TEX35: variants seen among roughly 807,000 people sequenced by gnomAD.
TEX35 encodes testis-expressed protein 35.
TEX35 carries 26 observed loss-of-function variants against 31.9 expected under a neutral mutation model. That is an observed-to-expected ratio of 0.81 (90% CI 0.60 to 1.13). TEX35 has a LOEUF of 1.13. Among genes scored for constraint, TEX35 ranks in the 50% most tolerant of loss-of-function variants. The pLI, the probability that TEX35 is intolerant of heterozygous loss-of-function variation, is 0.00. For synonymous variants in TEX35, 87 were observed against 90.7 expected (o/e 0.96, Z 0.23); for missense variants, 278 against 273.5 (o/e 1.02, Z -0.12).
chr1:178,516,430 T>G (rs545661996), intron 4 of TEX35, among the ~76,000 whole-genome samples, 185 bp from the exon 5 acceptor site: 10 of 152,360 alleles, frequency 6.6e-5, no homozygotes. Flanking sequence ...TGGTGGTGAC[T>G]TGATGGTGCT....
Position 178,520,445 on chromosome 1 carries a change from A to C in TEX35, c.341+9A>C. 6.2e-7 allele frequency: 1 copy of C among 1,614,180 alleles called. No individual in the cohort carries two copies. The highest frequency in any genetic ancestry group is 8.5e-7 in the Non-Finnish European group (1 of 1,180,030). On this transcript the variant is annotated intron_variant, in intron 6 of 8. Coordinates refer to ENST00000319416, the MANE Select transcript of TEX35 (RefSeq NM_032126.5). ...CAGAAGAACTATAAGCTGTAAGTGT[A>C]ACCTGCACTCGTCTCTCCTCATCCC... is the stretch of plus-strand genomic sequence containing the variant.
In TEX35 at chr1:178,514,726, A is replaced by C; in HGVS notation, c.117A>C (p.Gln39His). Residue 39 changes from glutamine to histidine, a missense_variant, in exon 3 of 9, where the codon CAA becomes CAC. Gln to His is a conservative substitution (Grantham distance 24). Coordinates refer to ENST00000319416, the MANE Select transcript of TEX35 (RefSeq NM_032126.5). ...CATTTGATTACAAAGCAGTTAAACA[A>C]GAAGGGCGGTTTACCAAAGCAGGAG... is the stretch of plus-strand genomic sequence containing the variant. ...TKTFDYKAVKQEGRFTKAGVT... is the reference protein window; with the variant it reads ...TKTFDYKAVKHEGRFTKAGVT... The C allele has an allele frequency of 6.2e-7, 1 of 1,614,058 alleles. No homozygotes were observed. Among genetic ancestry groups the C allele is most frequent in the Non-Finnish European group, 8.5e-7 (1 of 1,179,978 alleles).
chr1:178,522,123 G>A lies in TEX35; in HGVS notation c.587-202G>A, dbSNP rs1053093100. ...CCCTCCACATAATCAGCCTCCACCT[G>A]TGCATGGGGCCAGGGTGTCTTGGGT... On this transcript the variant is annotated intron_variant, in intron 8 of 8. Coordinates refer to ENST00000319416, the MANE Select transcript of TEX35 (RefSeq NM_032126.5). The A allele has an allele frequency of 2.8e-5, 21 of 751,782 alleles. No homozygotes were observed. In the African/African-American group the frequency reaches 3.4e-4, roughly 12 times the overall value. The allele number at this position is 751,782 out of a possible 1,614,324, so 46.6% of individuals were successfully genotyped here. A position where few individuals can be genotyped will look rare whatever the true frequency, so the allele number is the denominator to read the frequency against.
Position 178,513,935 on chromosome 1 carries a change from G to C in TEX35, c.40-92G>C, listed in dbSNP as rs901949034. The C allele has an allele frequency of 2.7e-6, 4 of 1,459,210 alleles. No homozygotes were observed. In the African/African-American group the frequency reaches 5.6e-5, roughly 20 times the overall value. The allele number at this position is 1,459,210 out of a possible 1,614,324, so 90.4% of individuals were successfully genotyped here. ...CAGGCAGGGTTGCATGGTTGTGGGG[G>C]GCAGGGGGCAGGGTTCCCGTGCAAG... On this transcript the variant is annotated intron_variant, in intron 1 of 8. Transcript: ENST00000319416.
chr1:178,520,886 C>T lies in TEX35; in HGVS notation c.543+12C>T, dbSNP rs746438022. On this transcript the variant is annotated intron_variant, in intron 7 of 8. Transcript: ENST00000319416. ...GTGGGACCTGCTGCGTAAGTGAAAC[C>T]CTGCCCGAGCCCAGCACTGGTGCCA... 4 of 1,613,628 alleles carry T rather than the reference C, an allele frequency of 2.5e-6. No homozygotes were observed. The highest frequency in any genetic ancestry group is 1.1e-5 in the South Asian group (1 of 91,012).
At chr1:178,514,192 G>A (rs1649984165) in intron 2 of TEX35, 115 bp downstream of exon 2, 2 of 1,591,276 alleles carry the variant, frequency 1.3e-6, no homozygotes, top group Non-Finnish European at 8.6e-7. Flanking sequence ...CCAGGTGCTG[G>A]GGGATGCACT....
intron 2 of TEX35, 71 bp downstream of exon 2, chr1:178,514,148 G>A: frequency 1.2e-6 from 2 of 1,612,504 alleles, no homozygotes; most frequent in East Asian, 2.2e-5. Context: ...AGGAGTCAGG[G>A]GTCATTTGCT....
chr1:178,513,505 C>G (rs950223262), intron 1 of TEX35, among the ~76,000 whole-genome samples: 8 of 152,254 alleles, frequency 5.3e-5, no homozygotes, highest in African/African-American at 1.7e-4. Flanking sequence ...GTTCCACGGC[C>G]CATGCCAGGC....
rs774707219 is a variant in TEX35 at position 178,522,464 on chromosome 1, A to G, written c.*24A>G. 1 of 1,563,676 alleles carries G rather than the reference A, an allele frequency of 6.4e-7. No homozygotes were observed. Among genetic ancestry groups the G allele is most frequent in the South Asian group, 1.2e-5 (1 of 84,932 alleles). On this transcript the variant is annotated 3_prime_UTR_variant, in exon 9 of 9. Transcript: ENST00000319416. ...GAAGCTTAACTGCCAGCTTGAAATGAGAGTAAAGAAGATACAGAGCAAACA... is the reference window on the plus strand; with the variant it reads ...GAAGCTTAACTGCCAGCTTGAAATGGGAGTAAAGAAGATACAGAGCAAACA...
rs1423253046 is a variant in TEX35 at position 178,522,185 on chromosome 1, A to G, written c.587-140A>G. The stretch of plus-strand genomic sequence containing the variant: ...CCCCTCAGCCTCGAGTTCTGCCTGC[A>G]CCACACCCCTCTGAGGTCTTGTCAC... On this transcript the variant is annotated intron_variant, in intron 8 of 8. Transcript: ENST00000319416. 15 of 1,208,436 alleles carry G rather than the reference A, an allele frequency of 1.2e-5. No homozygotes were observed. In the East Asian group the frequency reaches 2.8e-4, roughly 23 times the overall value. 74.9% of individuals were successfully genotyped at this position (1,208,436 alleles called of 1,614,324 possible).
At chr1:178,521,355 C>A (rs909668637) in intron 8 of TEX35, 91 bp downstream of exon 8, 3 of 1,436,676 alleles carry the variant, frequency 2.1e-6, no homozygotes, top group Non-Finnish European at 2.9e-6. Context: ...CACATCACAC[C>A]CCTCCTGAGG....
intron 5 of TEX35, among the ~76,000 whole-genome samples, chr1:178,518,749 A>G (rs1650168298): frequency 6.6e-6 from 1 of 152,220 alleles, no homozygotes; most frequent in Non-Finnish European, 1.5e-5. Flanking sequence ...AAGGGCATGC[A>G]TTAATTATTT....
intron 5 of TEX35, among the ~76,000 whole-genome samples, chr1:178,519,277 G>A (rs1293300330): frequency 6.6e-6 from 1 of 152,200 alleles, no homozygotes; most frequent in Non-Finnish European, 1.5e-5. Context: ...GGAGACTGAA[G>A]TCTTGAGAGG....
chr1:178,521,331 C>T, intron 8 of TEX35, 67 bp downstream of exon 8: 2 of 1,565,814 alleles, frequency 1.3e-6, no homozygotes, highest in Non-Finnish European at 8.8e-7. Flanking sequence ...AGGCCATGTG[C>T]TCCCAGCCGC....
At position 178,522,269 on chromosome 1, in the gene TEX35, G is replaced by T. The variant is rs1463636080; in HGVS notation, c.587-56G>T. On this transcript the variant is annotated intron_variant, in intron 8 of 8. Coordinates refer to ENST00000319416, the MANE Select transcript of TEX35 (RefSeq NM_032126.5). ...ACTGGGTAGCTTTCTTGGGTTCTGG[G>T]GATCCACCCTTCTCACCCCCTTGAA... 2.0e-6 allele frequency: 3 copies of T among 1,518,502 alleles called. No homozygotes were observed. The South Asian group carries it at 3.8e-5, about 19-fold the overall frequency. The allele number at this position is 1,518,502 out of a possible 1,614,324, so 94.1% of individuals were successfully genotyped here.
rs897848559 is a variant in TEX35, at chr1:178,513,186, A to G, written c.-3A>G. The G allele has an allele frequency of 6.2e-6, 10 of 1,614,048 alleles. No homozygotes were observed. The highest frequency in any genetic ancestry group is 3.3e-5 in the Admixed American group (2 of 60,012). On this transcript the variant is annotated 5_prime_UTR_variant, in exon 1 of 9. Transcript: ENST00000319416. ...GTTGAAGAACACCCTGGCCTCCTCC[A>G]TCATGTCGGCCAAGAGGGCAGAATT...
At chr1:178,523,396 C>T (rs530155393), downstream of TEX35, 21 of 585,742 alleles carry the variant, frequency 3.6e-5, no homozygotes, top group South Asian at 4.3e-4. Context: ...AGTGGCTGTA[C>T]TAATTTACAT....
chr1:178,518,167 T>C (rs988873044), intron 5 of TEX35, among the ~76,000 whole-genome samples: 3 of 152,142 alleles, frequency 2.0e-5, no homozygotes, highest in African/African-American at 7.2e-5. Context: ...ACCTCATAAT[T>C]AAATACATGC....
At chr1:178,513,430 G>T (rs1364074220) in intron 1 of TEX35, among the ~76,000 whole-genome samples, 1 of 152,230 alleles carries the variant, frequency 6.6e-6, no homozygotes, top group African/African-American at 2.4e-5. Context: ...AGAGGCCTCT[G>T]CTGCCTCCCT....
Sources: allele counts gnomAD v4.1 joint callset (sites outside exome capture counted in the v4.1 genomes callset), GRCh38; gene constraint gnomAD v4.1.1; transcripts MANE v1.5; gene names NCBI Gene and HGNC (gene_info 2026-07-23, HGNC 2026-07-21).